Variants in ZNF609 observed in about 807,000 individuals in gnomAD.
The protein encoded by ZNF609 is zinc finger protein 609.
A neutral mutation model predicts 109.5 loss-of-function variants in ZNF609; 11 were observed. That is an observed-to-expected ratio of 0.10 (90% CI 0.06 to 0.17). The LOEUF is 0.17. Ranked by LOEUF, ZNF609 falls within the 10% of genes least tolerant of loss-of-function variation. ZNF609 has a pLI of 1.00. For missense variants in ZNF609, 1,559 were observed against 1,772.4 expected, an observed-to-expected ratio of 0.88 and a Z score of 2.16; for synonymous variants, 646 against 662.0, an observed-to-expected ratio of 0.98 and a Z score of 0.37.
chr15:64,643,708 T>G (rs1031272572), intron 3 of ZNF609: 14 of 152,188 alleles, frequency 9.2e-5, no homozygotes, highest in Non-Finnish European at 4.4e-5. Context: ...TTATTAATAT[T>G]TATTGTTAAC....
chr15:64,528,789 C>A (rs886892577), intron 2 of ZNF609: 1 of 833,938 alleles, frequency 1.2e-6, no homozygotes. Flanking sequence ...GCCCCAGCAT[C>A]GAAGGTAGAA....
intron 2 of ZNF609, among the ~76,000 whole-genome samples, chr15:64,503,958 G>C (rs1015840264): frequency 1.3e-5 from 2 of 152,130 alleles, no homozygotes. Flanking sequence ...GTGCCTTCTA[G>C]CTTAGTTCTC....
chr15:64,631,823 C>T (rs1044455655), intron 3 of ZNF609: 6 of 172,542 alleles, frequency 3.5e-5, no homozygotes, highest in Middle Eastern at 2.8e-3. Context: ...GGATTACAGG[C>T]ATGAGCCACC....
intron 1 of ZNF609, among the ~76,000 whole-genome samples, chr15:64,490,517 A>C (rs980546184): frequency 1.3e-5 from 2 of 151,804 alleles, no homozygotes; most frequent in Admixed American, 1.3e-4. Flanking sequence ...CAGGTGATCC[A>C]TCCACCTTGG....
In ZNF609 at chr15:64,635,881, C is replaced by A. The variant is rs78677275; in HGVS notation, c.973+12829C>A. 7.9e-3 allele frequency among the ~76,000 whole-genome samples: 1,198 copies of A among 152,066 alleles called. 21 individuals carry two copies. The highest frequency in any genetic ancestry group is 0.028 in the African/African-American group (1,151 of 41,414). Reference sequence around the variant, plus strand: ...CTCGCTCTCTCTCTCTCTGACTACTCTGAAACAAGGGGCTGTTCTCCACCT... The same window carrying A: ...CTCGCTCTCTCTCTCTCTGACTACTATGAAACAAGGGGCTGTTCTCCACCT... On this transcript the variant is annotated intron_variant, in intron 3 of 9. Coordinates refer to ENST00000326648, the MANE Select transcript of ZNF609 (RefSeq NM_015042.2).
At chr15:64,668,206 A>G (rs1029344529) in intron 3 of ZNF609, among the ~76,000 whole-genome samples, 7 of 152,254 alleles carry the variant, frequency 4.6e-5, no homozygotes, top group Non-Finnish European at 1.0e-4. Flanking sequence ...ATGTTAAGAA[A>G]GATAACCAAT....
chr15:64,598,451 A>G lies in ZNF609; in HGVS notation c.748-24376A>G, dbSNP rs137924220. ...GATCTACGCATTTTATGAGTTGTAT[A>G]TACTTATGTATAGATCAGTTTATTT... On this transcript the variant is annotated intron_variant, in intron 2 of 9. Transcript: ENST00000326648. Among the ~76,000 whole-genome samples, 874 of 152,204 alleles carry G rather than the reference A, an allele frequency of 5.7e-3. 12 individuals are homozygous for G. The highest frequency in any genetic ancestry group is 0.02 in the African/African-American group (840 of 41,530).
chr15:64,580,338 A>G (rs610700), intron 2 of ZNF609, among the ~76,000 whole-genome samples: 112,475 of 151,608 alleles, frequency 0.74, 45,242 homozygotes, highest in East Asian at 0.96. Flanking sequence ...ATAAATTTGC[A>G]TTGTTTTAAG....
At chr15:64,619,655 C>T (rs1294071220) in intron 2 of ZNF609, among the ~76,000 whole-genome samples, 1 of 152,206 alleles carries the variant, frequency 6.6e-6, no homozygotes, top group Non-Finnish European at 1.5e-5. Flanking sequence ...CTTCATACAA[C>T]AGAGATGCCA....
chr15:64,568,912 C>T (rs1047840358), intron 2 of ZNF609, among the ~76,000 whole-genome samples: 3 of 152,180 alleles, frequency 2.0e-5, no homozygotes, highest in African/African-American at 4.8e-5. Context: ...TCCTAAACCT[C>T]TCTGGGGCTT....
At chr15:64,529,231 C>T (rs558890804) in intron 2 of ZNF609, 21 of 717,518 alleles carry the variant, frequency 2.9e-5, no homozygotes, top group East Asian at 7.9e-5. Context: ...GCATTGCTGA[C>T]GATCTTGAGG....
intron 1 of ZNF609, among the ~76,000 whole-genome samples, chr15:64,474,871 C>T (rs750405195): frequency 3.9e-5 from 6 of 152,164 alleles, no homozygotes; most frequent in Non-Finnish European, 8.8e-5. Flanking sequence ...CCATTGCCTA[C>T]ATAGGTCAAT....
intron 7 of ZNF609, 24 bp downstream of exon 7, chr15:64,680,384 G>T: frequency 6.2e-7 from 1 of 1,610,294 alleles, no homozygotes; most frequent in African/African-American, 1.3e-5. Flanking sequence ...AGTGATGCTG[G>T]CTGTTACCCA....
chr15:64,554,169 G>C (rs1241760489), intron 2 of ZNF609, among the ~76,000 whole-genome samples: 1 of 152,122 alleles, frequency 6.6e-6, no homozygotes, highest in Non-Finnish European at 1.5e-5. Flanking sequence ...TAAGGGGAAA[G>C]CATTCCGTTT....
At chr15:64,536,722 C>T (rs933923867) in intron 2 of ZNF609, among the ~76,000 whole-genome samples, 1 of 93,124 alleles carries the variant, frequency 1.1e-5, no homozygotes, top group African/African-American at 3.7e-5. Context: ...ACTAAAATTC[C>T]ACCCCCCCCC....
intron 3 of ZNF609, among the ~76,000 whole-genome samples, chr15:64,662,392 C>T (rs1029530185): frequency 6.6e-6 from 1 of 152,090 alleles, no homozygotes; most frequent in African/African-American, 2.4e-5. Flanking sequence ...GGGGCAACAT[C>T]TCAACTCATT....
intron 2 of ZNF609, among the ~76,000 whole-genome samples, chr15:64,531,082 G>A (rs1421299452): frequency 6.6e-6 from 1 of 152,028 alleles, no homozygotes; most frequent in Non-Finnish European, 1.5e-5. Flanking sequence ...AATACCTATA[G>A]CTCTCCTGTG....
At position 64,598,740 on chromosome 15, in the gene ZNF609, GTGTATA is replaced by G. The variant is rs1200267816; in HGVS notation, c.748-24085_748-24080del. Reference sequence around the variant, plus strand: ...AACTGTCCATCATACATCTTTGTGTGTGTATATATATATATATATATATATATATAT... The same window carrying G: ...AACTGTCCATCATACATCTTTGTGTGTATATATATATATATATATATATAT... On this transcript the variant is annotated intron_variant, in intron 2 of 9. Coordinates refer to ENST00000326648, the MANE Select transcript of ZNF609 (RefSeq NM_015042.2). Among the ~76,000 whole-genome samples the G allele has an allele frequency of 8.7e-3, 739 of 84,462 alleles. 5 individuals are homozygous for G. Among genetic ancestry groups the G allele is most frequent in the African/African-American group, 0.031 (677 of 21,940 alleles). The allele number at this position is 84,462 out of a possible 152,430, so 55.4% of individuals were successfully genotyped here. A position where few individuals can be genotyped will look rare whatever the true frequency, so the allele number is the denominator to read the frequency against.
chr15:64,537,776 T>C lies in ZNF609; in HGVS notation c.747+37610T>C, dbSNP rs567217770. Among the ~76,000 whole-genome samples, 3 of 152,246 alleles carry C rather than the reference T, an allele frequency of 2.0e-5. No homozygotes were observed. In the East Asian group the frequency reaches 5.8e-4, roughly 29 times the overall value. ...CTGTAATATGATTGTTTTGCCCCCT[T>C]AGGGGCACTATCTTCTTCATTGAAA... is the stretch of plus-strand genomic sequence containing the variant. On this transcript the variant is annotated intron_variant, in intron 2 of 9. Transcript: ENST00000326648.
Sources: gnomAD v4.1 joint callset for allele counts (sites outside exome capture counted in the v4.1 genomes callset) on GRCh38, gnomAD v4.1.1 for gene constraint, MANE v1.5 for transcripts, NCBI Gene and HGNC (gene_info 2026-07-23, HGNC 2026-07-21) for gene names.